Variants in NRG1 observed in about 807,000 individuals in gnomAD.
NRG1 encodes the protein neuregulin 1.
Under a neutral mutation model 63.8 loss-of-function variants are expected in NRG1, and 18 were observed. The observed-to-expected ratio is 0.28, with a 90% CI of 0.19 to 0.42. The LOEUF (loss-of-function observed/expected upper bound fraction) is 0.42, where lower values mean the gene tolerates loss of function less well. Ranked by LOEUF, NRG1 falls within the 10% of genes least tolerant of loss-of-function variation. The pLI is 1.00. For synonymous variants in NRG1, 302 were observed against 301.3 expected, an observed-to-expected ratio of 1.00 and a Z score of -0.02; for missense variants, 762 against 814.7, an observed-to-expected ratio of 0.94 and a Z score of 0.79.
chr8:32,135,244 T>C (rs988124849), intron 1 of NRG1, among the ~76,000 whole-genome samples: 1 of 152,170 alleles, frequency 6.6e-6, no homozygotes, highest in Admixed American at 6.6e-5. Context: ...CAGAATACAT[T>C]GGAGAAGACT....
intron 1 of NRG1, among the ~76,000 whole-genome samples, chr8:32,532,099 C>T (rs1195068840): frequency 1.3e-5 from 2 of 152,168 alleles, no homozygotes; most frequent in African/African-American, 4.8e-5. Flanking sequence ...GGAGACCACA[C>T]ATGCACCAGA....
Position 31,948,240 on chromosome 8 carries a change from C to A in NRG1, c.37+308809C>A, listed in dbSNP as rs562739220. Among the ~76,000 whole-genome samples, 377 of 152,106 alleles carry A rather than the reference C, an allele frequency of 2.5e-3. 1 individual carries two copies. Among genetic ancestry groups the A allele is most frequent in the African/African-American group, 8.6e-3 (359 of 41,504 alleles). ...CTTGAGTACTGTTTTTATTGAAATG[C>A]ACCTTGCACTTTAGCTATAGAGCTT... On this transcript the variant is annotated intron_variant, in intron 1 of 10. Coordinates refer to the NRG1 transcript ENST00000519301.
intron 1 of NRG1, among the ~76,000 whole-genome samples, chr8:32,039,526 T>G (rs780807822): frequency 7.9e-5 from 12 of 152,210 alleles, no homozygotes; most frequent in African/African-American, 1.2e-4. Context: ...ATAGTAAATG[T>G]GAATGTTTAC....
At chr8:32,382,482 A>G (rs1482336514) in intron 1 of NRG1, among the ~76,000 whole-genome samples, 1 of 152,200 alleles carries the variant, frequency 6.6e-6, no homozygotes, top group African/African-American at 2.4e-5. Context: ...GGGATATCAT[A>G]CCAGGATGAT....
intron 1 of NRG1, among the ~76,000 whole-genome samples, chr8:31,972,050 T>A (rs1807374186): frequency 6.6e-6 from 1 of 152,180 alleles, no homozygotes; most frequent in South Asian, 2.1e-4. Flanking sequence ...CATACACACA[T>A]GCTCAGACAA....
At chr8:32,094,802 A>C (rs1829671296) in intron 1 of NRG1, among the ~76,000 whole-genome samples, 1 of 151,336 alleles carries the variant, frequency 6.6e-6, no homozygotes, top group Admixed American at 6.6e-5. Flanking sequence ...TTTTTTAATA[A>C]ATCGTTTCTG....
At chr8:31,916,459 G>GT (rs1250543655) in intron 1 of NRG1, among the ~76,000 whole-genome samples, 1 of 152,048 alleles carries the variant, frequency 6.6e-6, no homozygotes, top group Non-Finnish European at 1.5e-5. Context: ...GCGGTGTTTG[G>GT]TTTTTTGTTC....
At chr8:32,301,883 G>A (rs1855608079) in intron 1 of NRG1, among the ~76,000 whole-genome samples, 1 of 152,064 alleles carries the variant, frequency 6.6e-6, no homozygotes, top group Admixed American at 6.5e-5. Context: ...ACCATATCAG[G>A]CCCACTTTGC....
At chr8:32,518,882 G>T (rs1291372692) in intron 1 of NRG1, among the ~76,000 whole-genome samples, 1 of 152,168 alleles carries the variant, frequency 6.6e-6, no homozygotes, top group African/African-American at 2.4e-5. Flanking sequence ...TCAGTTAATG[G>T]AGAGATTTAA....
At chr8:32,465,369 A>G (rs2129489729) in intron 1 of NRG1, among the ~76,000 whole-genome samples, 1 of 152,340 alleles carries the variant, frequency 6.6e-6, no homozygotes, top group Admixed American at 6.5e-5. Flanking sequence ...TCATAGGAAC[A>G]GGGTCTCCTG....
At chr8:32,703,649 C>CAAA (rs149501394) in intron 5 of NRG1, among the ~76,000 whole-genome samples, 2,813 of 152,218 alleles carry the variant, frequency 0.018, 43 homozygotes, top group Non-Finnish European at 0.03. Context: ...CTTACTTTTA[C>CAAA]CCATGACATG....
intron 1 of NRG1, among the ~76,000 whole-genome samples, chr8:32,440,197 A>C (rs1333590536): frequency 1.3e-5 from 2 of 152,038 alleles, no homozygotes; most frequent in African/African-American, 4.8e-5. Flanking sequence ...AGCAAGGGGG[A>C]AGTCTGCCCC....
At chr8:31,695,326 C>T (rs962279921) in intron 1 of NRG1, among the ~76,000 whole-genome samples, 1 of 152,156 alleles carries the variant, frequency 6.6e-6, no homozygotes, top group African/African-American at 2.4e-5. Flanking sequence ...TGCACCACCA[C>T]GCTAGGCTAC....
At chr8:31,757,724 G>A (rs1298983540) in intron 1 of NRG1, among the ~76,000 whole-genome samples, 1 of 152,080 alleles carries the variant, frequency 6.6e-6, no homozygotes, top group African/African-American at 2.4e-5. Flanking sequence ...GGTGTCAATT[G>A]TTATCAACAC....
At chr8:32,316,025 T>C (rs971108393) in intron 1 of NRG1, among the ~76,000 whole-genome samples, 2 of 146,652 alleles carry the variant, frequency 1.4e-5, no homozygotes, top group African/African-American at 5.5e-5. Context: ...TACTTGAAGA[T>C]GTTAGAATAC....
At chr8:31,656,290 C>T (rs1260526792) in intron 1 of NRG1, among the ~76,000 whole-genome samples, 1 of 152,104 alleles carries the variant, frequency 6.6e-6, no homozygotes, top group African/African-American at 2.4e-5. Flanking sequence ...CTGTGTCCCT[C>T]GAACATCCTG....
At position 32,542,438 on chromosome 8, in the gene NRG1, AT is replaced by A. The variant is rs1832665864; in HGVS notation, c.38-53388del. On this transcript the variant is annotated intron_variant, in intron 1 of 10. Coordinates refer to the NRG1 transcript ENST00000519301. ...TTACATATGAAAGTAATATTTATTC[AT>A]TCACCAAAAAGTGTAAAGAGAGGTT... 2.0e-5 allele frequency among the ~76,000 whole-genome samples: 3 copies of A among 152,356 alleles called. No homozygotes were observed. In the South Asian group the frequency reaches 6.2e-4, roughly 32 times the overall value.
At chr8:32,077,102 C>T (rs1293829695) in intron 1 of NRG1, among the ~76,000 whole-genome samples, 2 of 152,186 alleles carry the variant, frequency 1.3e-5, no homozygotes, top group African/African-American at 4.8e-5. Context: ...CATGTTGGCT[C>T]ACGCCTGTAA....
chr8:31,762,029 A>G (rs965670217), intron 1 of NRG1, among the ~76,000 whole-genome samples: 14 of 152,218 alleles, frequency 9.2e-5, no homozygotes, highest in Admixed American at 8.5e-4. Context: ...TTTTTTGTAT[A>G]GCATTGAAAA....
Sources: gnomAD v4.1 joint callset for allele counts (sites outside exome capture counted in the v4.1 genomes callset) on GRCh38, gnomAD v4.1.1 for gene constraint, MANE v1.5 for transcripts, NCBI Gene and HGNC (gene_info 2026-07-23, HGNC 2026-07-21) for gene names.